Variants in MCF2L observed in about 807,000 individuals in gnomAD.
MCF2L encodes guanine nucleotide exchange factor DBS.
A neutral mutation model predicts 153.4 loss-of-function variants in MCF2L; 97 were observed. That is an observed-to-expected ratio of 0.63 (90% confidence interval 0.54 to 0.75). The LOEUF (loss-of-function observed/expected upper bound fraction) is 0.75, where lower values mean the gene tolerates loss of function less well. Ranked by LOEUF, MCF2L falls within the 30% of genes least tolerant of loss-of-function variation. The probability of loss-of-function intolerance (pLI) is 0.00; values close to 1 mark genes in which losing one functional copy is unlikely to be tolerated. For missense variants in MCF2L, 1,347 were observed against 1,495.2 expected (o/e 0.90, Z 1.64); for synonymous variants, 659 against 632.2 (o/e 1.04, Z -0.64).
At chr13:112,898,714 T>C (rs2081091720) in intron 1 of MCF2L, among the ~76,000 whole-genome samples, 1 of 152,184 alleles carries the variant, frequency 6.6e-6, no homozygotes, top group African/African-American at 2.4e-5. Context: ...ACGGCCTCCC[T>C]GCCCCCCAAG....
chr13:113,085,183 G>A lies in MCF2L; in HGVS notation c.2247+5G>A. Reference sequence around the variant, plus strand: ...AAGTACCAGCTGCTGCTCAAGGTGGGCTCCGCGGTGACCGTGGCCCGGCCT... The same window carrying A: ...AAGTACCAGCTGCTGCTCAAGGTGGACTCCGCGGTGACCGTGGCCCGGCCT... On this transcript the variant is annotated splice_donor_5th_base_variant and intron_variant, in intron 20 of 29. Coordinates refer to ENST00000535094, the MANE Select transcript of MCF2L (RefSeq NM_001112732.3). 1.2e-6 allele frequency: 2 copies of A among 1,612,566 alleles called. No homozygotes were observed. The highest frequency in any genetic ancestry group is 1.7e-6 in the Non-Finnish European group (2 of 1,179,644).
Position 112,969,332 on chromosome 13 carries a change from C to T in MCF2L, c.-48C>T. The T allele has an allele frequency of 6.5e-7, 1 of 1,547,264 alleles. No individual in the cohort carries two copies. Among genetic ancestry groups the T allele is most frequent in the Admixed American group, 2.0e-5 (1 of 50,898 alleles). ...CACGGCCCCACCCGCAGGCGCCCCC[C>T]GTGCGGAGGAAGCGGATCTGCCAGG... On this transcript the variant is annotated 5_prime_UTR_variant, in exon 1 of 30. Coordinates refer to ENST00000535094, the MANE Select transcript of MCF2L (RefSeq NM_001112732.3). This position sits in a 1 kb window ranked among gnomAD's most constrained non-coding sequence, Gnocchi z 4.8.
rs200473981 is a variant in MCF2L at position 112,925,410 on chromosome 13, G to A, written c.169+23039G>A. Among the ~76,000 whole-genome samples the A allele has an allele frequency of 6.6e-5, 10 of 152,298 alleles. No homozygotes were observed. In the East Asian group the frequency reaches 1.2e-3, roughly 18 times the overall value. On this transcript the variant is annotated intron_variant, in intron 2 of 29. Coordinates refer to the MCF2L transcript ENST00000375608. ...CCAAAAGGAAGGAGTACTTCTGTAC[G>A]TGTACGTATGTGGACGTTCACAGCA...
intron 4 of MCF2L, among the ~76,000 whole-genome samples, chr13:113,055,998 C>G (rs922766760): frequency 6.6e-6 from 1 of 152,216 alleles, no homozygotes; most frequent in Admixed American, 6.5e-5. Flanking sequence ...AGCAGACACC[C>G]GCAGAGGACC....
At chr13:113,039,564 T>C (rs1377114020) in intron 3 of MCF2L, among the ~76,000 whole-genome samples, 6 of 152,170 alleles carry the variant, frequency 3.9e-5, no homozygotes, top group African/African-American at 1.4e-4. Context: ...GTTTGCAATA[T>C]GCACATCCAA....
Position 113,050,626 on chromosome 13 carries a change from C to CGTGGGGGCG in MCF2L, c.369+5280_369+5288dup, listed in dbSNP as rs1168405051. 6.0e-3 allele frequency among the ~76,000 whole-genome samples: 787 copies of CGTGGGGGCG among 131,442 alleles called. 4 individuals are homozygous for CGTGGGGGCG. Among genetic ancestry groups the CGTGGGGGCG allele is most frequent in the Non-Finnish European group, 9.9e-3 (601 of 60,692 alleles). 86.2% of individuals were successfully genotyped at this position (131,442 alleles called of 152,430 possible). Reference sequence around the variant, plus strand: ...ACTGGGGCTCTGGGGAGGAGCTCACCGTGGGGGCGGTGGGGGCGGTGGGAG... The same window carrying CGTGGGGGCG: ...ACTGGGGCTCTGGGGAGGAGCTCACCGTGGGGGCGGTGGGGGCGGTGGGGGCGGTGGGAG... On this transcript the variant is annotated intron_variant, in intron 4 of 29. Coordinates refer to ENST00000535094, the MANE Select transcript of MCF2L (RefSeq NM_001112732.3).
chr13:113,055,429 C>T (rs2087692650), intron 4 of MCF2L, among the ~76,000 whole-genome samples: 1 of 127,192 alleles, frequency 7.9e-6, no homozygotes, highest in Non-Finnish European at 1.6e-5. Context: ...CACACACACA[C>T]ACACACACAC....
chr13:112,950,198 A>G (rs1456451385), intron 2 of MCF2L, among the ~76,000 whole-genome samples: 1 of 152,166 alleles, frequency 6.6e-6, no homozygotes, highest in East Asian at 1.9e-4. Context: ...TATGTACAAG[A>G]CTTTTGTGCT....
rs572209812 is a variant in MCF2L at position 112,943,689 on chromosome 13, T to C, written c.169+41318T>C. On this transcript the variant is annotated intron_variant, in intron 2 of 29. Transcript: ENST00000375608. This position sits in a 1 kb window ranked among gnomAD's most constrained non-coding sequence, Gnocchi z 4.2. ...ACGGGGAAGGCGGGAGCGCTCGCAG[T>C]TCCCTCCTGGAGGGACCACACCGCC... is the stretch of plus-strand genomic sequence containing the variant. 6.6e-6 allele frequency among the ~76,000 whole-genome samples: 1 copy of C among 152,056 alleles called. No homozygotes were observed. The highest frequency in any genetic ancestry group is 2.4e-5 in the African/African-American group (1 of 41,550).
intron 7 of MCF2L, 101 bp downstream of exon 7, chr13:113,065,186 C>T (rs563082673): frequency 2.3e-5 from 33 of 1,450,612 alleles, no homozygotes; most frequent in South Asian, 1.5e-4. Context: ...TTCGTCCCAG[C>T]GGGAGTTTGT....
At chr13:113,067,281 C>A (rs2032528732) in intron 8 of MCF2L, among the ~76,000 whole-genome samples, 2 of 142,944 alleles carry the variant, frequency 1.4e-5, no homozygotes, top group Non-Finnish European at 3.1e-5. Context: ...TACGCGGAGG[C>A]AGAGGTCGCA....
Position 113,064,243 on chromosome 13 carries a change from CA to C in MCF2L, c.490-60del. 1 of 1,228,226 alleles carries C rather than the reference CA, an allele frequency of 8.1e-7. No individual in the cohort carries two copies. The highest frequency in any genetic ancestry group is 2.3e-5 in the East Asian group (1 of 43,044). 76.1% of individuals were successfully genotyped at this position (1,228,226 alleles called of 1,614,324 possible). Reference sequence around the variant, plus strand: ...GCTGCTGGGTGTTCTGCTGATGGGGCAGCTCTTTTGGGAGCCAACAATAATC... The same window carrying C: ...GCTGCTGGGTGTTCTGCTGATGGGGCGCTCTTTTGGGAGCCAACAATAATC... On this transcript the variant is annotated intron_variant, in intron 5 of 29. Coordinates refer to ENST00000535094, the MANE Select transcript of MCF2L (RefSeq NM_001112732.3). This position sits in a 1 kb window ranked among gnomAD's most constrained non-coding sequence, Gnocchi z 6.0.
chr13:112,937,879 T>A (rs372851545), intron 2 of MCF2L, among the ~76,000 whole-genome samples: 1 of 147,410 alleles, frequency 6.8e-6, no homozygotes, highest in Non-Finnish European at 1.5e-5. Context: ...TTGGTTCAGG[T>A]GAGTTCTGAT....
At chr13:113,081,966 CAT>C (rs1491029408) in intron 16 of MCF2L, among the ~76,000 whole-genome samples, 2 of 139,236 alleles carry the variant, frequency 1.4e-5, no homozygotes, top group Non-Finnish European at 3.0e-5. Context: ...CGAGTGTGCA[CAT>C]GTGATCACCT....
chr13:113,065,080 G>A lies in MCF2L; in HGVS notation c.751G>A (p.Ala251Thr). ...LCAHTEKKDK[A>T]KEDLRLALKE... The stretch of plus-strand genomic sequence containing the variant: ...TGCGCACACAGAGAAGAAGGACAAG[G>A]CGAAGGTACATGGGGGGTGCTCCGG... Residue 251 changes from alanine to threonine, a missense_variant, in exon 7 of 30, where the codon GCG becomes ACG. Coordinates refer to ENST00000535094, the MANE Select transcript of MCF2L (RefSeq NM_001112732.3). 2 of 1,603,844 alleles carry A rather than the reference G, an allele frequency of 1.2e-6. No individual in the cohort carries two copies. Among genetic ancestry groups the A allele is most frequent in the African/African-American group, 2.7e-5 (2 of 73,320 alleles).
chr13:113,087,105 C>T, intron 21 of MCF2L, 130 bp from the exon 22 acceptor site: 1 of 752,606 alleles, frequency 1.3e-6, no homozygotes, highest in Non-Finnish European at 2.1e-6. Context: ...GCTTGCCTTT[C>T]CTGGGACGCC....
rs199551610 is a variant in MCF2L, at chr13:113,087,794, G to C, written c.2683G>C (p.Val895Leu). The C allele has an allele frequency of 6.2e-7, 1 of 1,613,874 alleles. No homozygotes were observed. The highest frequency in any genetic ancestry group is 1.1e-5 in the South Asian group (1 of 91,082). The change falls in exon 23 of 30, where the codon GTC (valine) becomes CTC (leucine). Residue 895 changes from valine (V) to leucine (L), a missense_variant. Val to Leu is a conservative substitution (Grantham distance 32, BLOSUM62 1). Around this residue, in one of 3 missense-constraint regions of MCF2L, gnomAD observed 383 missense variants for 335.4 expected, o/e 1.14. Coordinates refer to ENST00000535094, the MANE Select transcript of MCF2L (RefSeq NM_001112732.3). ...CAACGCGCGCGAGGAGGTCTACATC[G>C]TCCAGGTGGGCCACCCACCCTACCC... ...WYNAREEVYIVQAPTPEIKAA... is the reference protein window; with the variant it reads ...WYNAREEVYILQAPTPEIKAA...
intron 5 of MCF2L, chr13:113,063,924 A>C (rs963526502): frequency 6.8e-6 from 3 of 440,982 alleles, no homozygotes; most frequent in Non-Finnish European, 1.4e-5. Context: ...CTTGCTGTGG[A>C]GCCGTTGTGC....
At chr13:112,963,188 C>G (rs2081853919) in intron 2 of MCF2L, among the ~76,000 whole-genome samples, 1 of 152,250 alleles carries the variant, frequency 6.6e-6, no homozygotes, top group Non-Finnish European at 1.5e-5. Flanking sequence ...CTCCACCACT[C>G]TCAGCAGGGA....
Sources: gnomAD v4.1 joint callset for allele counts (sites outside exome capture counted in the v4.1 genomes callset) on GRCh38, gnomAD v4.1.1 for gene constraint, gnomAD v4.1.1 regional missense constraint, Gnocchi (gnomAD v3.1) non-coding constraint, MANE v1.5 for transcripts, NCBI Gene and HGNC (gene_info 2026-07-23, HGNC 2026-07-21) for gene names.